Variants in PROKR1 observed in about 807,000 individuals in gnomAD.
The protein encoded by PROKR1 is prokineticin receptor 1.
Under a neutral mutation model 22.8 loss-of-function variants are expected in PROKR1, and 21 were observed. The ratio of observed to expected loss-of-function variants is 0.92; its 90% CI spans 0.65 to 1.32. The LOEUF (loss-of-function observed/expected upper bound fraction) is 1.32. Among genes scored for constraint, PROKR1 ranks in the 40% most tolerant of loss-of-function variants. PROKR1 has a pLI of 0.00. For missense variants in PROKR1, 548 were observed against 514.2 expected (o/e 1.07, Z -0.64); for synonymous variants, 193 against 207.5 (o/e 0.93, Z 0.60).
Position 68,655,531 on chromosome 2 carries a change from T to A in PROKR1, c.1137T>A (p.Ile379=), listed in dbSNP as rs370138369. 1.6e-5 allele frequency: 26 copies of A among 1,614,104 alleles called. No individual in the cohort carries two copies. The highest frequency in any genetic ancestry group is 2.1e-5 in the Non-Finnish European group (25 of 1,180,026). The change falls in exon 3 of 3, where the codon ATT becomes ATA. Residue 379 remains isoleucine (I), a synonymous_variant. Transcript: ENST00000303786. ...GTGCAGACCTGGACCTCAAGACAATTGGGATGCCTGCCACCGAAGAGGTGG... is the reference window on the plus strand; with the variant it reads ...GTGCAGACCTGGACCTCAAGACAATAGGGATGCCTGCCACCGAAGAGGTGG... ...KSSADLDLKT[I]GMPATEEVDC... is the part of the protein sequence containing the mutation.
In PROKR1 at chr2:68,655,615, C is replaced by A; in HGVS notation, c.*39C>A. On this transcript the variant is annotated 3_prime_UTR_variant, in exon 3 of 3. Coordinates refer to ENST00000303786, the MANE Select transcript of PROKR1 (RefSeq NM_138964.4). ...GCAAAGTTTAAACACAAAGCAGGGT[C>A]CTGTGGACACTGACTAGTGTGCTTG... 1 of 1,578,458 alleles carries A rather than the reference C, an allele frequency of 6.3e-7. No individual in the cohort carries two copies. Among genetic ancestry groups the A allele is most frequent in the South Asian group, 1.1e-5 (1 of 89,668 alleles).
At chr2:68,653,578 G>T (rs1673380025) in intron 2 of PROKR1, among the ~76,000 whole-genome samples, 2 of 152,124 alleles carry the variant, frequency 1.3e-5, no homozygotes, top group African/African-American at 4.8e-5. Context: ...ATAAGTTCTG[G>T]ACACGTGAGA....
intron 1 of PROKR1, among the ~76,000 whole-genome samples, chr2:68,644,871 G>A (rs1408100777): frequency 6.6e-6 from 1 of 152,134 alleles, no homozygotes; most frequent in East Asian, 1.9e-4. Context: ...ATGTGGTGTG[G>A]TGGAGTCCCT....
In PROKR1 at chr2:68,656,133, GCAAAC is replaced by G; in HGVS notation, c.*558_*562del. 1 of 188,510 alleles carries G rather than the reference GCAAAC, an allele frequency of 5.3e-6. No homozygotes were observed. The highest frequency in any genetic ancestry group is 5.3e-5 in the Admixed American group (1 of 18,704). The allele number at this position is 188,510 out of a possible 1,614,324, so 11.7% of individuals were successfully genotyped here. On this transcript the variant is annotated 3_prime_UTR_variant, in exon 3 of 3. Coordinates refer to ENST00000303786, the MANE Select transcript of PROKR1 (RefSeq NM_138964.4). ...CCCAGTATTCATGGCCAAGTTCTGT[GCAAAC>G]TCTTCCTCCCACACTGCTCTATGGC...
At chr2:68,648,718 T>C (rs1263450618) in intron 2 of PROKR1, among the ~76,000 whole-genome samples, 1 of 152,234 alleles carries the variant, frequency 6.6e-6, no homozygotes. Context: ...TGGGAGCAAC[T>C]AATTTTTATC....
In PROKR1 at chr2:68,655,447, G is replaced by A; in HGVS notation, c.1053G>A (p.Lys351=). 1 of 1,614,152 alleles carries A rather than the reference G, an allele frequency of 6.2e-7. No individual in the cohort carries two copies. The change falls in exon 3 of 3, where the codon AAG becomes AAA. Residue 351 remains lysine, a synonymous_variant. Transcript: ENST00000303786. ...CFVTVKNDTV[K]YFKKIMLLHW... Reference sequence around the variant, plus strand: ...TGACCGTCAAGAACGACACCGTCAAGTACTTCAAAAAGATCATGTTGCTCC... The same window carrying A: ...TGACCGTCAAGAACGACACCGTCAAATACTTCAAAAAGATCATGTTGCTCC...
chr2:68,645,935 C>T lies in PROKR1; in HGVS notation c.114C>T (p.Ser38=). Residue 38 remains serine (S), a synonymous_variant, in exon 2 of 3, where the codon AGC becomes AGT. Transcript: ENST00000303786. ...CCACTTCCTTCCCATTCAACTTCAG[C>T]TACAGCGACTATGATATGCCTTTGG... The part of the protein sequence containing the change: ...AHATSFPFNF[S]YSDYDMPLDE... 2 of 1,614,244 alleles carry T rather than the reference C, an allele frequency of 1.2e-6. No individual in the cohort carries two copies. Among genetic ancestry groups the T allele is most frequent in the South Asian group, 2.2e-5 (2 of 91,088 alleles).
chr2:68,650,520 C>T (rs556995217), intron 2 of PROKR1, among the ~76,000 whole-genome samples: 76 of 152,264 alleles, frequency 5.0e-4, no homozygotes, highest in African/African-American at 1.8e-3. Flanking sequence ...AGGTGTGAGC[C>T]ACTGTGTCCA....
rs199698053 is a variant in PROKR1, at chr2:68,654,875, C to A, written c.486-5C>A. The A allele has an allele frequency of 1.2e-6, 2 of 1,609,704 alleles. No individual in the cohort carries two copies. The highest frequency in any genetic ancestry group is 4.5e-5 in the East Asian group (2 of 44,842). ...TGGCTGCCTCCACTTGTGTTCTTGC[C>A]CTAGGTATCTGGCTATTGTCCATCC... On this transcript the variant is annotated splice_polypyrimidine_tract_variant and splice_region_variant and intron_variant, in intron 2 of 2. Coordinates refer to ENST00000303786, the MANE Select transcript of PROKR1 (RefSeq NM_138964.4).
chr2:68,654,799 C>T (rs564349279), intron 2 of PROKR1, 81 bp from the exon 3 acceptor site: 1 of 1,306,978 alleles, frequency 7.7e-7, no homozygotes, highest in Non-Finnish European at 1.1e-6. Flanking sequence ...AGAGCAAAAC[C>T]CTGTTTCAAA....
Position 68,654,934 on chromosome 2 carries a change from T to TGGC in PROKR1, c.541_543dup (p.Gly181dup). On this transcript the variant is annotated inframe_insertion, in exon 3 of 3. Coordinates refer to ENST00000303786, the MANE Select transcript of PROKR1 (RefSeq NM_138964.4). ...CACGGATGAAGTGCCAAACAGCCACTGGCCTGATTGCCTTGGTGTGGACGG... is the reference window on the plus strand; with the variant it reads ...CACGGATGAAGTGCCAAACAGCCACTGGCGGCCTGATTGCCTTGGTGTGGACGG... 6.2e-7 allele frequency: 1 copy of TGGC among 1,613,996 alleles called. No homozygotes were observed. Among genetic ancestry groups the TGGC allele is most frequent in the Non-Finnish European group, 8.5e-7 (1 of 1,180,018 alleles).
chr2:68,644,861 A>G (rs1673140255), intron 1 of PROKR1, among the ~76,000 whole-genome samples: 1 of 151,926 alleles, frequency 6.6e-6, no homozygotes, highest in East Asian at 1.9e-4. Flanking sequence ...CAGCCCCATT[A>G]TGTGGTGTGG....
At chr2:68,650,735 A>C (rs1201466619) in intron 2 of PROKR1, among the ~76,000 whole-genome samples, 4 of 152,236 alleles carry the variant, frequency 2.6e-5, no homozygotes, top group Non-Finnish European at 2.9e-5. Context: ...AAACAGTTAA[A>C]GAATAAGTAA....
chr2:68,655,331 G>C lies in PROKR1; in HGVS notation c.937G>C (p.Val313Leu). 2 of 1,614,220 alleles carry C rather than the reference G, an allele frequency of 1.2e-6. No individual in the cohort carries two copies. Among genetic ancestry groups the C allele is most frequent in the Non-Finnish European group, 1.7e-6 (2 of 1,180,028 alleles). Residue 313 changes from valine (V) to leucine (L), a missense_variant, in exon 3 of 3, where the codon GTG becomes CTG. Physicochemically the swap from Val to Leu is conservative, Grantham distance 32. Coordinates refer to ENST00000303786, the MANE Select transcript of PROKR1 (RefSeq NM_138964.4). ...CATCGTGCGCGACTTCTTCCCCACCGTGTTTGTGAAGGAGAAGCACTACCT... is the reference window on the plus strand; with the variant it reads ...CATCGTGCGCGACTTCTTCCCCACCCTGTTTGTGAAGGAGAAGCACTACCT... Reference protein sequence around the residue: ...FTIVRDFFPTVFVKEKHYLTA... With the variant: ...FTIVRDFFPTLFVKEKHYLTA...
chr2:68,657,022 G>A lies in PROKR1; in HGVS notation c.*1446G>A, dbSNP rs1251261506. 1 of 152,324 alleles carries A rather than the reference G, an allele frequency of 6.6e-6. No individual in the cohort carries two copies. The highest frequency in any genetic ancestry group is 1.5e-5 in the Non-Finnish European group (1 of 68,126). The allele number at this position is 152,324 out of a possible 1,614,324, so 9.4% of individuals were successfully genotyped here. A position where few individuals can be genotyped will look rare whatever the true frequency, so the allele number is the denominator to read the frequency against. The stretch of plus-strand genomic sequence containing the variant: ...TTCTAACCTGCCTCCTTTGTTTGAT[G>A]TTTTGAGTTTTGGAGTTTGGTATTT... On this transcript the variant is annotated 3_prime_UTR_variant, in exon 3 of 3. Coordinates refer to ENST00000303786, the MANE Select transcript of PROKR1 (RefSeq NM_138964.4).
In PROKR1 at chr2:68,658,045, A is replaced by T. The variant is rs1202760844; in HGVS notation, c.*2469A>T. ...CATTATGTTCACCGCTTTCATTAAG[A>T]ATGCTAAACAAGAGTTGATTGTATT... is the stretch of plus-strand genomic sequence containing the variant. On this transcript the variant is annotated 3_prime_UTR_variant, in exon 3 of 3. Coordinates refer to ENST00000303786, the MANE Select transcript of PROKR1 (RefSeq NM_138964.4). The T allele has an allele frequency of 6.6e-6, 1 of 152,224 alleles. No homozygotes were observed. Among genetic ancestry groups the T allele is most frequent in the Non-Finnish European group, 1.5e-5 (1 of 68,042 alleles). The allele number at this position is 152,224 out of a possible 1,614,324, so 9.4% of individuals were successfully genotyped here. A position where few individuals can be genotyped will look rare whatever the true frequency, so the allele number is the denominator to read the frequency against.
chr2:68,644,752 G>A (rs1357460229), intron 1 of PROKR1, among the ~76,000 whole-genome samples: 9 of 152,102 alleles, frequency 5.9e-5, no homozygotes, highest in Non-Finnish European at 1.0e-4. Context: ...TGTCTTCAGG[G>A]TTTGGGAGGG....
At chr2:68,647,978 A>T (rs1390548930) in intron 2 of PROKR1, among the ~76,000 whole-genome samples, 1 of 152,190 alleles carries the variant, frequency 6.6e-6, no homozygotes, top group East Asian at 1.9e-4. Flanking sequence ...CTGCCAAGGA[A>T]GAGCTCCAGG....
chr2:68,647,183 G>C (rs2104181905), intron 2 of PROKR1, among the ~76,000 whole-genome samples: 1 of 152,352 alleles, frequency 6.6e-6, no homozygotes, highest in South Asian at 2.1e-4. Context: ...AGATAGTGCA[G>C]AAGACCTGTT....
Sources: gnomAD v4.1 joint callset for allele counts (sites outside exome capture counted in the v4.1 genomes callset) on GRCh38, gnomAD v4.1.1 for gene constraint, MANE v1.5 for transcripts, NCBI Gene and HGNC (gene_info 2026-07-23, HGNC 2026-07-21) for gene names.